Variants in VPS13B observed in about 807,000 individuals in gnomAD.
The protein encoded by VPS13B is intermembrane lipid transfer protein VPS13B.
VPS13B carries 285 observed loss-of-function variants against 426.4 expected under a neutral mutation model. The observed-to-expected ratio is 0.67, with a 90% CI of 0.61 to 0.74. The LOEUF is 0.74. VPS13B is among the 30% of genes least tolerant of loss of function. The probability of loss-of-function intolerance (pLI) is 0.00; values close to 1 mark genes in which losing one functional copy is unlikely to be tolerated. For missense variants in VPS13B, 4,537 were observed against 4,782.6 expected, an observed-to-expected ratio of 0.95 and a Z score of 1.51; for synonymous variants, 1,676 against 1,676.4, an observed-to-expected ratio of 1.00 and a Z score of 0.01.
intron 19 of VPS13B, among the ~76,000 whole-genome samples, chr8:99,316,953 C>T (rs111655800): frequency 1.5e-3 from 234 of 152,160 alleles, no homozygotes; most frequent in African/African-American, 5.0e-3. Context: ...GAAATAATGT[C>T]GAATCTTGAT....
At chr8:99,491,663 A>G (rs1820610496) in intron 25 of VPS13B, among the ~76,000 whole-genome samples, 2 of 152,068 alleles carry the variant, frequency 1.3e-5, no homozygotes, top group Admixed American at 6.6e-5. Flanking sequence ...CGACTATTGA[A>G]GCTTGTGCAT....
chr8:99,489,399 T>A (rs1820477844), intron 25 of VPS13B, among the ~76,000 whole-genome samples: 1 of 152,036 alleles, frequency 6.6e-6, no homozygotes, highest in Non-Finnish European at 1.5e-5. Flanking sequence ...CTTTTTTGGT[T>A]CCATATGAAC....
At chr8:99,431,168 G>T (rs2133411232) in intron 21 of VPS13B, among the ~76,000 whole-genome samples, 1 of 152,196 alleles carries the variant, frequency 6.6e-6, no homozygotes, top group Middle Eastern at 3.4e-3. Flanking sequence ...AGATTTTATT[G>T]ATGTATTGCC....
intron 43 of VPS13B, among the ~76,000 whole-genome samples, chr8:99,805,265 G>A (rs1393320201): frequency 1.3e-5 from 2 of 151,260 alleles, no homozygotes; most frequent in African/African-American, 4.8e-5. Context: ...ACACAAATGA[G>A]TGTGAAGATA....
chr8:99,318,285 A>G (rs1476557063), intron 19 of VPS13B, among the ~76,000 whole-genome samples: 4 of 152,238 alleles, frequency 2.6e-5, no homozygotes, highest in Admixed American at 2.0e-4. Context: ...TATTCTATAA[A>G]CAAATATTCA....
intron 17 of VPS13B, among the ~76,000 whole-genome samples, chr8:99,199,817 C>G (rs1274259379): frequency 6.6e-6 from 1 of 152,014 alleles, no homozygotes; most frequent in Non-Finnish European, 1.5e-5. Context: ...TCCCCTCTTC[C>G]ATGTCAGAAA....
At chr8:99,229,474 A>G (rs1816202412) in intron 17 of VPS13B, among the ~76,000 whole-genome samples, 1 of 149,526 alleles carries the variant, frequency 6.7e-6, no homozygotes, top group East Asian at 1.9e-4. Context: ...TTATTCATGG[A>G]TTGATTGATT....
rs549719071 is a variant in VPS13B, at chr8:99,401,977, A to G, written c.3082+10273A>G. On this transcript the variant is annotated intron_variant, in intron 21 of 61. Coordinates refer to ENST00000357162, the MANE Select transcript of VPS13B (RefSeq NM_152564.5). ...CTCAAACTCCTGGACTCAGGCCAGG[A>G]ACACCCTATGGGTGTTCTTGTAGCT... 8.3e-4 allele frequency among the ~76,000 whole-genome samples: 127 copies of G among 152,280 alleles called. No individual in the cohort carries two copies. In the Middle Eastern group the frequency reaches 0.01, roughly 12 times the overall value.
At chr8:99,048,426 T>A (rs1286193410) in intron 3 of VPS13B, among the ~76,000 whole-genome samples, 1 of 152,212 alleles carries the variant, frequency 6.6e-6, no homozygotes, top group Non-Finnish European at 1.5e-5. Flanking sequence ...CGTGATAACC[T>A]GTCTAGTGCT....
chr8:99,213,287 A>G lies in VPS13B; in HGVS notation c.2515+20230A>G, dbSNP rs927713555. On this transcript the variant is annotated intron_variant, in intron 17 of 61. Coordinates refer to ENST00000357162, the MANE Select transcript of VPS13B (RefSeq NM_152564.5). ...CCATTTGTTATTACTACCTAATTCT[A>G]ATAAAAATTTTATTGCAAATATTCA... 5.9e-5 allele frequency among the ~76,000 whole-genome samples: 9 copies of G among 152,274 alleles called. No homozygotes were observed. In the East Asian group the frequency reaches 1.7e-3, roughly 29 times the overall value.
chr8:99,219,118 T>C (rs1391936092), intron 17 of VPS13B, among the ~76,000 whole-genome samples: 6 of 152,186 alleles, frequency 3.9e-5, no homozygotes, highest in Non-Finnish European at 8.8e-5. Flanking sequence ...CTTTAGTCTT[T>C]AAATCTGCCA....
At chr8:99,774,445 A>G (rs1811648054) in intron 40 of VPS13B, among the ~76,000 whole-genome samples, 2 of 152,180 alleles carry the variant, frequency 1.3e-5, no homozygotes, top group African/African-American at 4.8e-5. Flanking sequence ...ATAAGTAAAG[A>G]TTGTATTAGA....
intron 13 of VPS13B, 48 bp downstream of exon 13, chr8:99,143,213 T>G (rs1301326589): frequency 6.2e-7 from 1 of 1,608,934 alleles, no homozygotes; most frequent in Admixed American, 1.7e-5. Flanking sequence ...GTTTTGAGAA[T>G]AATTATATAA....
intron 30 of VPS13B, among the ~76,000 whole-genome samples, chr8:99,538,395 G>T (rs976908491): frequency 5.3e-5 from 8 of 151,778 alleles, no homozygotes; most frequent in Non-Finnish European, 1.2e-4. Context: ...CTCTAAATTT[G>T]CTTTTGGGTT....
intron 23 of VPS13B, among the ~76,000 whole-genome samples, chr8:99,454,992 C>CT (rs1463969772): frequency 6.6e-6 from 1 of 152,024 alleles, no homozygotes; most frequent in Non-Finnish European, 1.5e-5. Context: ...GTTGAGTTTT[C>CT]TTTGTATATT....
rs1178797977 is a variant in VPS13B at position 99,819,547 on chromosome 8, A to G, written c.8757A>G (p.Gln2919=). 2 of 1,613,660 alleles carry G rather than the reference A, an allele frequency of 1.2e-6. No individual in the cohort carries two copies. The highest frequency in any genetic ancestry group is 1.7e-6 in the Non-Finnish European group (2 of 1,179,850). ...DEFYGPEKSL[Q]PIWPYNKKDS... ...TCTATGGGCCAGAAAAGTCGCTTCAACCCATATGGCCCTATAATAAGAAGG... is the reference window on the plus strand; with the variant it reads ...TCTATGGGCCAGAAAAGTCGCTTCAGCCCATATGGCCCTATAATAAGAAGG... The change falls in exon 48 of 62, where the codon CAA becomes CAG. Residue 2919 remains glutamine, a synonymous_variant. Transcript: ENST00000357162.
rs192509060 is a variant in VPS13B, at chr8:99,275,181, G to A, written c.2751G>A (p.Glu917=). 9.3e-6 allele frequency: 15 copies of A among 1,612,900 alleles called. No individual in the cohort carries two copies. Among genetic ancestry groups the A allele is most frequent in the African/African-American group, 6.7e-5 (5 of 74,940 alleles). ...TKWLNESRKP[E]SLLAPDLMAF... ...GGCTCAATGAGAGTAGAAAGCCAGA[G>A]TCTCTCTTAGCTCCAGATTTGATGG... Residue 917 remains glutamate, a synonymous_variant, in exon 19 of 62, where the codon GAG becomes GAA. Transcript: ENST00000357162.
chr8:99,530,534 A>G (rs543523918), intron 30 of VPS13B, among the ~76,000 whole-genome samples: 16 of 151,886 alleles, frequency 1.1e-4, no homozygotes, highest in South Asian at 6.3e-4. Flanking sequence ...GAATCGCTTG[A>G]ATCTGGGAGG....
intron 25 of VPS13B, among the ~76,000 whole-genome samples, chr8:99,483,866 A>G (rs3105170): frequency 0.17 from 26,505 of 152,098 alleles, 2,831 homozygotes; most frequent in East Asian, 0.38. Flanking sequence ...TGCCGTTCAT[A>G]CAAGGTATAG....
Sources: allele counts gnomAD v4.1 joint callset (sites outside exome capture counted in the v4.1 genomes callset), GRCh38; gene constraint gnomAD v4.1.1; transcripts MANE v1.5; gene names NCBI Gene and HGNC (gene_info 2026-07-23, HGNC 2026-07-21).